BRWD1: variants seen among roughly 807,000 people sequenced by gnomAD.
BRWD1 encodes the protein bromodomain and WD repeat domain containing 1, also known as bromodomain and WD repeat-containing protein 1.
A neutral mutation model predicts 251.2 loss-of-function variants in BRWD1; 82 were observed. The ratio of observed to expected loss-of-function variants is 0.33; its 90% CI spans 0.27 to 0.39. The LOEUF is 0.39. BRWD1 is among the 10% of genes least tolerant of loss of function. The pLI is 1.00. For synonymous variants in BRWD1, 918 were observed against 902.8 expected, an observed-to-expected ratio of 1.02 and a Z score of -0.30; for missense variants, 2,233 against 2,711.6, an observed-to-expected ratio of 0.82 and a Z score of 3.92.
chr21:39,248,766 CTG>C (rs1393543788), intron 20 of BRWD1, among the ~76,000 whole-genome samples: 1 of 149,690 alleles, frequency 6.7e-6, no homozygotes, highest in Non-Finnish European at 1.5e-5. Flanking sequence ...GCTAGTGAAA[CTG>C]TAACTTAATT....
rs769022490 is a variant in BRWD1, at chr21:39,206,139, T to C, written c.4333A>G (p.Lys1445Glu). 2 of 1,612,900 alleles carry C rather than the reference T, an allele frequency of 1.2e-6. No homozygotes were observed. The highest frequency in any genetic ancestry group is 1.7e-6 in the Non-Finnish European group (2 of 1,179,696). Residue 1445 changes from lysine (K) to glutamate (E), a missense_variant, in exon 37 of 41, where the codon AAA (lysine) becomes GAA (glutamate). Lys to Glu is a moderately conservative substitution (Grantham distance 56, BLOSUM62 1). Around this residue, in one of 12 missense-constraint regions of BRWD1, gnomAD observed 928 missense variants for 970.0 expected, o/e 0.96. Coordinates refer to ENST00000342449, the MANE Select transcript of BRWD1 (RefSeq NM_033656.4). Reference protein sequence around the residue: ...SQRFKQRQNCKGDSQPNKSIR... With the variant: ...SQRFKQRQNCEGDSQPNKSIR... ...CTTTTGTTAGGCTGACTGTCACCTT[T>C]ACAATTTTGCCGTTGCTTGAACCTC...
chr21:39,294,636 CAG>C (rs1464218701), intron 7 of BRWD1, among the ~76,000 whole-genome samples: 1 of 138,168 alleles, frequency 7.2e-6, no homozygotes. Flanking sequence ...GCCTAGGTGA[CAG>C]AGTGAGACTC....
At chr21:39,269,381 T>A (rs890570967) in intron 15 of BRWD1, among the ~76,000 whole-genome samples, 2 of 152,092 alleles carry the variant, frequency 1.3e-5, no homozygotes, top group African/African-American at 4.8e-5. Flanking sequence ...TTGCCCAGGC[T>A]GGACTTGAAT....
chr21:39,276,362 T>G (rs1248838991), intron 11 of BRWD1, 149 bp from the exon 12 acceptor site: 1 of 523,966 alleles, frequency 1.9e-6, no homozygotes. Flanking sequence ...ACATGTTTTA[T>G]AATTTTAAGT....
At position 39,192,348 on chromosome 21, in the gene BRWD1, T is replaced by A; in HGVS notation, c.*3911A>T. ...CTCAGTTTTTCCCACAATGCTCTAT[T>A]TTCTCACCTAGTTTTGACAAATTTA... is the stretch of plus-strand genomic sequence containing the variant. On this transcript the variant is annotated 3_prime_UTR_variant, in exon 41 of 41. Coordinates refer to ENST00000342449, the MANE Select transcript of BRWD1 (RefSeq NM_033656.4). 1.0e-6 allele frequency: 1 copy of A among 985,288 alleles called. No homozygotes were observed. The highest frequency in any genetic ancestry group is 4.7e-5 in the South Asian group (1 of 21,282). 61.0% of individuals were successfully genotyped at this position (985,288 alleles called of 1,614,324 possible). A position where few individuals can be genotyped will look rare whatever the true frequency, so the allele number is the denominator to read the frequency against.
chr21:39,255,852 G>T, intron 18 of BRWD1, 24 bp from the exon 19 acceptor site: 2 of 1,600,614 alleles, frequency 1.2e-6, no homozygotes, highest in Non-Finnish European at 1.7e-6. Context: ...ATGGGGAAGT[G>T]ATTCCAATAC....
chr21:39,211,849 A>T (rs1235368821), intron 34 of BRWD1, among the ~76,000 whole-genome samples: 1 of 152,206 alleles, frequency 6.6e-6, no homozygotes, highest in African/African-American at 2.4e-5. Flanking sequence ...GCTTAAATTT[A>T]AGGAGCATTT....
intron 19 of BRWD1, among the ~76,000 whole-genome samples, chr21:39,254,630 C>T (rs1478569994): frequency 6.6e-6 from 1 of 152,202 alleles, no homozygotes; most frequent in African/African-American, 2.4e-5. Flanking sequence ...GCCTTTCCTA[C>T]ACAAACTTTG....
chr21:39,231,083 C>T (rs1050832946), intron 25 of BRWD1, among the ~76,000 whole-genome samples: 1 of 151,844 alleles, frequency 6.6e-6, no homozygotes, highest in African/African-American at 2.4e-5. Context: ...ACAAGCAGAG[C>T]CATTAAGTTG....
chr21:39,313,505 G>A lies in BRWD1; in HGVS notation c.-14C>T, dbSNP rs2036592394. 1.5e-6 allele frequency: 2 copies of A among 1,332,296 alleles called. No homozygotes were observed. The highest frequency in any genetic ancestry group is 1.9e-6 in the Non-Finnish European group (2 of 1,047,972). The allele number at this position is 1,332,296 out of a possible 1,614,324, so 82.5% of individuals were successfully genotyped here. On this transcript the variant is annotated 5_prime_UTR_variant, in exon 1 of 41. Transcript: ENST00000342449. ...CGGCTCCGCCATGGCCGGGCGCGGG[G>A]CGGGAGGCGGGAGCGAGCGAGCGAG...
intron 5 of BRWD1, chr21:39,297,367 A>C: frequency 1.0e-6 from 1 of 985,424 alleles, no homozygotes. Flanking sequence ...AGTACAAAAC[A>C]AACAGAGAAT....
intron 10 of BRWD1, among the ~76,000 whole-genome samples, chr21:39,277,592 C>G (rs1041280447): frequency 6.6e-6 from 1 of 152,094 alleles, no homozygotes; most frequent in Non-Finnish European, 1.5e-5. Context: ...GAGACAGAAT[C>G]TCACTCTGTC....
In BRWD1 at chr21:39,295,778, C is replaced by G; in HGVS notation, c.574G>C (p.Val192Leu). Residue 192 changes from valine (V) to leucine (L), a missense_variant, in exon 7 of 41, where the codon GTA (valine) becomes CTA (leucine). Transcript: ENST00000342449. ...CTATGTCCTGTCCTATCAAATGCTACACAGTAAACAGCAGATAGATGTCCG... is the reference window on the plus strand; with the variant it reads ...CTATGTCCTGTCCTATCAAATGCTAGACAGTAAACAGCAGATAGATGTCCG... ...ILGHLSAVYC[V>L]AFDRTGHRIF... 2.5e-6 allele frequency: 4 copies of G among 1,607,014 alleles called. No individual in the cohort carries two copies. The highest frequency in any genetic ancestry group is 3.4e-6 in the Non-Finnish European group (4 of 1,176,006).
In BRWD1 at chr21:39,195,486, T is replaced by G; in HGVS notation, c.*773A>C. 1.0e-6 allele frequency: 1 copy of G among 985,436 alleles called. No homozygotes were observed. The highest frequency in any genetic ancestry group is 1.2e-6 in the Non-Finnish European group (1 of 829,610). The allele number at this position is 985,436 out of a possible 1,614,324, so 61.0% of individuals were successfully genotyped here. On this transcript the variant is annotated 3_prime_UTR_variant, in exon 41 of 41. Coordinates refer to ENST00000342449, the MANE Select transcript of BRWD1 (RefSeq NM_033656.4). Reference sequence around the variant, plus strand: ...AGGAGATCTTGGACAGAAGACAGATTATATAGCATTTTGTTAGTGCACAAT... The same window carrying G: ...AGGAGATCTTGGACAGAAGACAGATGATATAGCATTTTGTTAGTGCACAAT...
intron 25 of BRWD1, among the ~76,000 whole-genome samples, chr21:39,229,724 T>G (rs2033533185): frequency 6.6e-6 from 1 of 152,182 alleles, no homozygotes; most frequent in South Asian, 2.1e-4. Flanking sequence ...GTTAAAAATC[T>G]AACATATTTC....
At position 39,206,318 on chromosome 21, in the gene BRWD1, A is replaced by G. The variant is rs1027923227; in HGVS notation, c.4198-44T>C. The G allele has an allele frequency of 3.7e-6, 5 of 1,354,550 alleles. No homozygotes were observed. In the Admixed American group the frequency reaches 6.5e-5, roughly 18 times the overall value. 83.9% of individuals were successfully genotyped at this position (1,354,550 alleles called of 1,614,324 possible). A position where few individuals can be genotyped will look rare whatever the true frequency, so the allele number is the denominator to read the frequency against. ...AAAGTAGAATTACAAAATAGCCTTA[A>G]AAGTACTTAAGAAATAATTGTAATC... On this transcript the variant is annotated intron_variant, in intron 36 of 40. Transcript: ENST00000342449.
At chr21:39,276,314 G>T in intron 11 of BRWD1, 101 bp from the exon 12 acceptor site, 1 of 975,578 alleles carries the variant, frequency 1.0e-6, no homozygotes, top group South Asian at 2.2e-5. Context: ...GCTTTAACAA[G>T]CAAAATTTGC....
At chr21:39,274,695 CTCAA>C (rs2035225259) in intron 12 of BRWD1, among the ~76,000 whole-genome samples, 1 of 152,196 alleles carries the variant, frequency 6.6e-6, no homozygotes, top group African/African-American at 2.4e-5. Context: ...ACACCTCAAA[CTCAA>C]TCAATAGCTT....
At chr21:39,242,340 T>G (rs558353515) in intron 21 of BRWD1, among the ~76,000 whole-genome samples, 4 of 152,178 alleles carry the variant, frequency 2.6e-5, no homozygotes, top group Non-Finnish European at 5.9e-5. Flanking sequence ...AAGCCAAAGC[T>G]TAACCCAGAG....
Sources: gnomAD v4.1 joint callset for allele counts (sites outside exome capture counted in the v4.1 genomes callset) on GRCh38, gnomAD v4.1.1 for gene constraint, gnomAD v4.1.1 regional missense constraint, MANE v1.5 for transcripts, NCBI Gene and HGNC (gene_info 2026-07-23, HGNC 2026-07-21) for gene names.